The following RTN3 variants were observed in gnomAD, a reference collection of about 807,000 sequenced individuals.
RTN3 encodes reticulon-3.
Under a neutral mutation model 77.8 loss-of-function variants are expected in RTN3, and 49 were observed. The observed-to-expected ratio is 0.63, with a 90% confidence interval of 0.50 to 0.80. RTN3 has a LOEUF of 0.80. RTN3 is among the 30% of genes least tolerant of loss of function. The probability of loss-of-function intolerance (pLI) is 0.00; values close to 1 mark genes in which losing one functional copy is unlikely to be tolerated. For synonymous variants in RTN3, 464 were observed against 446.9 expected, an observed-to-expected ratio of 1.04 and a Z score of -0.48; for missense variants, 1,236 against 1,211.9, an observed-to-expected ratio of 1.02 and a Z score of -0.29.
chr11:63,729,567 C>T (rs548971628), intron 3 of RTN3, among the ~76,000 whole-genome samples: 19 of 150,520 alleles, frequency 1.3e-4, no homozygotes, highest in African/African-American at 3.4e-4. Flanking sequence ...AAGCAATCCT[C>T]GTGCCTCAGC....
At chr11:63,709,660 G>A (rs1340292093) in intron 2 of RTN3, among the ~76,000 whole-genome samples, 1 of 151,888 alleles carries the variant, frequency 6.6e-6, no homozygotes, top group Non-Finnish European at 1.5e-5. Context: ...GCTGCAGAAT[G>A]TCTGCTGGCT....
chr11:63,751,384 C>T (rs1039804390), intron 4 of RTN3, among the ~76,000 whole-genome samples: 4 of 152,176 alleles, frequency 2.6e-5, no homozygotes, highest in Admixed American at 2.0e-4. Flanking sequence ...GTTTTCTTAA[C>T]GCTGGAGGTC....
At position 63,759,406 on chromosome 11, in the gene RTN3, G is replaced by A. The variant is rs987941214; in HGVS notation, c.*1205G>A. 6.6e-6 allele frequency: 1 copy of A among 152,598 alleles called. No individual in the cohort carries two copies. Among genetic ancestry groups the A allele is most frequent in the Admixed American group, 6.5e-5 (1 of 15,282 alleles). 9.5% of individuals were successfully genotyped at this position (152,598 alleles called of 1,614,324 possible). A position where few individuals can be genotyped will look rare whatever the true frequency, so the allele number is the denominator to read the frequency against. The stretch of plus-strand genomic sequence containing the variant: ...ATGATATTTGATGGTCCCAAAGTAC[G>A]GCAGCTGCAAAAAGTAGTGGAAGGA... On this transcript the variant is annotated 3_prime_UTR_variant, in exon 9 of 9. Coordinates refer to ENST00000377819, the MANE Select transcript of RTN3 (RefSeq NM_001265589.2).
chr11:63,721,227 C>T (rs1166729779), intron 3 of RTN3, among the ~76,000 whole-genome samples, 195 bp downstream of exon 3: 3 of 152,076 alleles, frequency 2.0e-5, no homozygotes, highest in African/African-American at 4.8e-5. Context: ...TCCTTAATAT[C>T]AATATTTCCC....
At chr11:63,753,618 G>T in intron 6 of RTN3, 44 bp from the exon 7 acceptor site, 1 of 1,546,110 alleles carries the variant, frequency 6.5e-7, no homozygotes. Flanking sequence ...AGATGTGACT[G>T]TCTCTCATAT....
At chr11:63,746,427 C>T (rs1009735946) in intron 3 of RTN3, among the ~76,000 whole-genome samples, 1 of 152,196 alleles carries the variant, frequency 6.6e-6, no homozygotes, top group African/African-American at 2.4e-5. Context: ...CCTCTTTACC[C>T]CTACTTTGGA....
intron 7 of RTN3, 70 bp downstream of exon 7, chr11:63,753,778 C>T: frequency 7.4e-7 from 1 of 1,349,726 alleles, no homozygotes; most frequent in Non-Finnish European, 1.1e-6. Context: ...ATTTCTGAGA[C>T]ATTGAATGTT....
chr11:63,752,659 G>A lies in RTN3; in HGVS notation c.2877+14G>A, dbSNP rs118031086. The A allele has an allele frequency of 0.015, 24,392 of 1,612,818 alleles. 293 individuals carry two copies. Among genetic ancestry groups the A allele is most frequent in the Non-Finnish European group, 0.016 (18,763 of 1,179,254 alleles). On this transcript the variant is annotated intron_variant, in intron 5 of 8. Coordinates refer to ENST00000377819, the MANE Select transcript of RTN3 (RefSeq NM_001265589.2). ...GACTCCTTGAAGGTTAGTTGTTTCT[G>A]CAGCTCTTGGTGGTAAAACAGAAAA...
At chr11:63,749,774 G>C (rs2014001146) in intron 3 of RTN3, among the ~76,000 whole-genome samples, 2 of 152,094 alleles carry the variant, frequency 1.3e-5, no homozygotes, top group Admixed American at 1.3e-4. Flanking sequence ...CTGTAGTCTG[G>C]CTACTCAGGA....
intron 4 of RTN3, chr11:63,750,572 C>G (rs1483625418): frequency 4.8e-6 from 1 of 207,726 alleles, no homozygotes; most frequent in Non-Finnish European, 9.8e-6. Flanking sequence ...CCTGCCTCAG[C>G]CTCCTGAGTA....
At chr11:63,691,595 T>A (rs1941662509) in intron 1 of RTN3, among the ~76,000 whole-genome samples, 1 of 152,146 alleles carries the variant, frequency 6.6e-6, no homozygotes. Flanking sequence ...CACAGTCTTC[T>A]CAATCTCAAT....
At chr11:63,704,009 T>A (rs189906986) in intron 1 of RTN3, among the ~76,000 whole-genome samples, 228 of 151,858 alleles carry the variant, frequency 1.5e-3, no homozygotes, top group African/African-American at 4.5e-3. Context: ...TTAATTAATT[T>A]ATTTTTTTTT....
Position 63,718,784 on chromosome 11 carries a change from C to G in RTN3, c.282C>G (p.Asn94Lys). The change falls in exon 3 of 9, where the codon AAC becomes AAG. Residue 94 changes from asparagine to lysine, a missense_variant. Physicochemically the swap from Asn to Lys is moderately conservative, Grantham distance 94. This residue lies in a region of RTN3 where 1,056 missense variants were observed against 990.4 expected (regional missense o/e 1.07). Coordinates refer to ENST00000377819, the MANE Select transcript of RTN3 (RefSeq NM_001265589.2). The stretch of plus-strand genomic sequence containing the variant: ...TTCTTTCATCTTCTGAAATACATAA[C>G]ACTGGCCTTACAATACTACATGGAG... ...SSFLSSSEIH[N>K]TGLTILHGEK... 6.2e-7 allele frequency: 1 copy of G among 1,613,242 alleles called. No homozygotes were observed. Among genetic ancestry groups the G allele is most frequent in the South Asian group, 1.1e-5 (1 of 90,790 alleles).
At chr11:63,700,190 C>T (rs942949961) in intron 1 of RTN3, among the ~76,000 whole-genome samples, 2 of 151,544 alleles carry the variant, frequency 1.3e-5, no homozygotes, top group African/African-American at 4.9e-5. Context: ...GGGATTTAAA[C>T]GCATCATTGG....
At chr11:63,757,297 T>G (rs1157220893) in intron 8 of RTN3, among the ~76,000 whole-genome samples, 1 of 152,346 alleles carries the variant, frequency 6.6e-6, no homozygotes, top group East Asian at 1.9e-4. Flanking sequence ...CTTTTTACTT[T>G]TTTTCCCCAT....
At chr11:63,747,201 CTA>C (rs1427093844) in intron 3 of RTN3, among the ~76,000 whole-genome samples, 1 of 152,190 alleles carries the variant, frequency 6.6e-6, no homozygotes, top group Non-Finnish European at 1.5e-5. Context: ...AGTGCATGCA[CTA>C]TGTCTGGAGG....
Position 63,750,673 on chromosome 11 carries a change from A to G in RTN3, c.2738+475A>G, listed in dbSNP as rs190893451. Among the ~76,000 whole-genome samples, 365 of 151,394 alleles carry G rather than the reference A, an allele frequency of 2.4e-3. 4 individuals carry two copies. Among genetic ancestry groups the G allele is most frequent in the African/African-American group, 7.7e-3 (315 of 41,176 alleles). On this transcript the variant is annotated intron_variant, in intron 4 of 8. Coordinates refer to ENST00000377819, the MANE Select transcript of RTN3 (RefSeq NM_001265589.2). The stretch of plus-strand genomic sequence containing the variant: ...CTCTATGTTGGTCAGGCTGGTCTCA[A>G]ACTTCTGACCTTGGGTGATCCGCCC...
At chr11:63,735,600 C>T (rs1245788130) in intron 3 of RTN3, among the ~76,000 whole-genome samples, 2 of 147,054 alleles carry the variant, frequency 1.4e-5, no homozygotes, top group East Asian at 2.0e-4. Flanking sequence ...CTCTCTCTCT[C>T]TTTCTTTCAA....
intron 1 of RTN3, among the ~76,000 whole-genome samples, chr11:63,701,094 A>AC (rs1555069115): frequency 6.6e-6 from 1 of 151,892 alleles, no homozygotes; most frequent in East Asian, 1.9e-4. Flanking sequence ...TTCTCAAAAA[A>AC]AAAAAAAAAG....
Sources: gnomAD v4.1 joint callset for allele counts (sites outside exome capture counted in the v4.1 genomes callset) on GRCh38, gnomAD v4.1.1 for gene constraint, gnomAD v4.1.1 regional missense constraint, MANE v1.5 for transcripts, NCBI Gene and HGNC (gene_info 2026-07-23, HGNC 2026-07-21) for gene names.